The following HKDC1 variants were observed in gnomAD, a reference collection of about 807,000 sequenced individuals.
HKDC1 encodes hexokinase HKDC1.
In HKDC1, 66 loss-of-function variants were observed where a neutral mutation model predicts 96.6. That is an observed-to-expected ratio of 0.68 (90% CI 0.56 to 0.84). The LOEUF (loss-of-function observed/expected upper bound fraction) is 0.84. HKDC1 is among the 40% of genes least tolerant of loss of function. HKDC1 has a pLI of 0.00. For synonymous variants in HKDC1, 466 were observed against 473.1 expected (o/e 0.98, Z 0.20); for missense variants, 1,211 against 1,208.1 (o/e 1.00, Z -0.04).
intron 5 of HKDC1, among the ~76,000 whole-genome samples, chr10:69,239,489 C>T (rs569091288): frequency 4.6e-5 from 7 of 152,320 alleles, no homozygotes; most frequent in Non-Finnish European, 7.3e-5. Context: ...ATATACTTTC[C>T]GGGCTGGTTC....
intron 2 of HKDC1, among the ~76,000 whole-genome samples, chr10:69,228,134 CT>C (rs1487555550): frequency 1.3e-5 from 2 of 152,188 alleles, no homozygotes; most frequent in African/African-American, 4.8e-5. Flanking sequence ...GGCTGCGTTC[CT>C]TCTGGAAGCT....
At chr10:69,230,628 T>TGGAAAAGCTATCCACCCCAAGGAGC (rs1843241228) in intron 2 of HKDC1, among the ~76,000 whole-genome samples, 1 of 152,168 alleles carries the variant, frequency 6.6e-6, no homozygotes, top group African/African-American at 2.4e-5. Flanking sequence ...TTTCTTTCTT[T>TGGAAAAGCTATCCACCCCAAGGAGC]TTAGAAACAA....
In HKDC1 at chr10:69,261,187, G is replaced by T. The variant is rs372986223; in HGVS notation, c.2265G>T (p.Gln755His). The T allele has an allele frequency of 6.2e-7, 1 of 1,614,002 alleles. No homozygotes were observed. Among genetic ancestry groups the T allele is most frequent in the East Asian group, 2.2e-5 (1 of 44,890 alleles). ...TGTACTTGGGGGAGATTGTGCGGCA[G>T]ATCCTGATCGACCTGACCAAGCAGG... The part of the protein sequence containing the change: ...SGMYLGEIVR[Q>H]ILIDLTKQGL... The change falls in exon 16 of 18, where the codon CAG becomes CAT. Residue 755 changes from glutamine to histidine, a missense_variant. Transcript: ENST00000354624.
At chr10:69,223,732 G>T (rs1178996767) in intron 1 of HKDC1, among the ~76,000 whole-genome samples, 1 of 150,096 alleles carries the variant, frequency 6.7e-6, no homozygotes, top group Non-Finnish European at 1.5e-5. Context: ...ATCACAGGCC[G>T]CACCACCACG....
intron 2 of HKDC1, among the ~76,000 whole-genome samples, chr10:69,228,906 A>G (rs1455693814): frequency 6.6e-6 from 1 of 151,808 alleles, no homozygotes; most frequent in Non-Finnish European, 1.5e-5. Context: ...AGAAAGAAAG[A>G]GAGAGAAAGA....
chr10:69,242,601 G>A (rs1026105800), intron 6 of HKDC1, among the ~76,000 whole-genome samples: 2 of 152,142 alleles, frequency 1.3e-5, no homozygotes, highest in Admixed American at 6.6e-5. Flanking sequence ...CCAAAAAGAT[G>A]GTGCCCACTT....
At chr10:69,241,161 G>T (rs777153556) in intron 6 of HKDC1, among the ~76,000 whole-genome samples, 24 of 152,218 alleles carry the variant, frequency 1.6e-4, no homozygotes, top group Non-Finnish European at 2.5e-4. Context: ...TTTGAGCCGG[G>T]ACCTCAGTGA....
Position 69,228,927 on chromosome 10 carries a change from G to C in HKDC1, c.226+1558G>C, listed in dbSNP as rs756287308. Among the ~76,000 whole-genome samples the C allele has an allele frequency of 4.6e-5, 7 of 150,596 alleles. No homozygotes were observed. The East Asian group carries it at 1.4e-3, about 29-fold the overall frequency. ...AAAGAGAGAGAAAGAAGAAAGAAAG[G>C]AAAGAAAGAAGAAAGAGAAAGAAAG... On this transcript the variant is annotated intron_variant, in intron 2 of 17. Coordinates refer to ENST00000354624, the MANE Select transcript of HKDC1 (RefSeq NM_025130.4).
intron 14 of HKDC1, 76 bp downstream of exon 14, chr10:69,257,502 G>C: frequency 8.6e-7 from 1 of 1,157,516 alleles, no homozygotes; most frequent in African/African-American, 1.5e-5. Flanking sequence ...TAGTGAGAGG[G>C]TGGGCATTGT....
intron 12 of HKDC1, among the ~76,000 whole-genome samples, chr10:69,250,953 G>T (rs1349801667): frequency 6.6e-6 from 1 of 152,178 alleles, no homozygotes; most frequent in Non-Finnish European, 1.5e-5. Context: ...GTAATGTCCA[G>T]TGAAGGCCAG....
chr10:69,257,283 T>A, intron 13 of HKDC1, 44 bp from the exon 14 acceptor site: 1 of 1,565,704 alleles, frequency 6.4e-7, no homozygotes. Context: ...CACATTCAAC[T>A]CATAGTAAAG....
At position 69,246,104 on chromosome 10, in the gene HKDC1, T is replaced by C. The variant is rs763033929; in HGVS notation, c.901T>C (p.Tyr301His). The change falls in exon 8 of 18, where the codon TAC becomes CAC. Residue 301 changes from tyrosine (Y) to histidine (H), a missense_variant. By Grantham distance (83) the Tyr-to-His change is moderately conservative. Coordinates refer to ENST00000354624, the MANE Select transcript of HKDC1 (RefSeq NM_025130.4). ...QLFEKMISGL[Y>H]LGELVRLILL... Reference sequence around the variant, plus strand: ...GTTCGAGAAGATGATCAGTGGCCTGTACCTGGGGGAGCTTGTCAGGCTTAT... The same window carrying C: ...GTTCGAGAAGATGATCAGTGGCCTGCACCTGGGGGAGCTTGTCAGGCTTAT... 223 of 1,614,146 alleles carry C rather than the reference T, an allele frequency of 1.4e-4. No individual in the cohort carries two copies. The highest frequency in any genetic ancestry group is 1.8e-4 in the Non-Finnish European group (218 of 1,180,050).
intron 2 of HKDC1, among the ~76,000 whole-genome samples, chr10:69,229,004 G>A (rs1390988989): frequency 6.6e-6 from 1 of 152,216 alleles, no homozygotes; most frequent in Non-Finnish European, 1.5e-5. Flanking sequence ...AAGAAAGAGA[G>A]AAAGCTGCCA....
chr10:69,236,895 T>C (rs1163513403), intron 4 of HKDC1, among the ~76,000 whole-genome samples: 1 of 152,126 alleles, frequency 6.6e-6, no homozygotes, highest in Non-Finnish European at 1.5e-5. Flanking sequence ...TTCAATAAAA[T>C]CTAAAGTTAA....
Position 69,240,639 on chromosome 10 carries a change from T to C in HKDC1, c.592-13T>C. The C allele has an allele frequency of 6.2e-7, 1 of 1,610,928 alleles. No homozygotes were observed. The highest frequency in any genetic ancestry group is 1.7e-4 in the Middle Eastern group (1 of 5,952). ...TCCCACCCGCTGATTCCCTCTGGCC[T>C]TGTGTTCGGCAGGACATGGACGTGG... On this transcript the variant is annotated splice_polypyrimidine_tract_variant and intron_variant, in intron 5 of 17. Coordinates refer to ENST00000354624, the MANE Select transcript of HKDC1 (RefSeq NM_025130.4).
chr10:69,237,158 G>T (rs1843374285), intron 4 of HKDC1, among the ~76,000 whole-genome samples: 1 of 152,112 alleles, frequency 6.6e-6, no homozygotes, highest in African/African-American at 2.4e-5. Context: ...AGGAGCGTGA[G>T]AATTCTTATT....
rs60016100 is a variant in HKDC1, at chr10:69,223,578, A to ATTT, written c.63+3103_63+3105dup. Reference sequence around the variant, plus strand: ...GTTGTGTAACCATTACCACAATCTAATTTTTTTTTTTTTTTTTTTTTTTTT... The same window carrying ATTT: ...GTTGTGTAACCATTACCACAATCTAATTTTTTTTTTTTTTTTTTTTTTTTTTTT... On this transcript the variant is annotated intron_variant, in intron 1 of 17. Transcript: ENST00000354624. Among the ~76,000 whole-genome samples the ATTT allele has an allele frequency of 8.3e-3, 709 of 85,582 alleles. 5 individuals carry two copies. The highest frequency in any genetic ancestry group is 0.012 in the African/African-American group (257 of 20,972). 56.1% of individuals were successfully genotyped at this position (85,582 alleles called of 152,430 possible).
chr10:69,234,644 C>A (rs1843334243), intron 4 of HKDC1, among the ~76,000 whole-genome samples: 1 of 152,248 alleles, frequency 6.6e-6, no homozygotes, highest in African/African-American at 2.4e-5. Context: ...GCATCCAACA[C>A]TGTGGTTGGG....
In HKDC1 at chr10:69,237,654, G is replaced by A. The variant is rs541349685; in HGVS notation, c.496-1388G>A. On this transcript the variant is annotated intron_variant, in intron 4 of 17. Coordinates refer to ENST00000354624, the MANE Select transcript of HKDC1 (RefSeq NM_025130.4). ...TCCCCCATCCACCTTCCCTGCAACA[G>A]GGATTTTTGAAGAAAGCCAGCCTGT... Among the ~76,000 whole-genome samples the A allele has an allele frequency of 1.4e-4, 22 of 152,300 alleles. No homozygotes were observed. The South Asian group carries it at 4.6e-3, about 32-fold the overall frequency.
Sources: allele counts gnomAD v4.1 joint callset (sites outside exome capture counted in the v4.1 genomes callset), GRCh38; gene constraint gnomAD v4.1.1; transcripts MANE v1.5; gene names NCBI Gene and HGNC (gene_info 2026-07-23, HGNC 2026-07-21).